AOC2: variants seen among roughly 807,000 people sequenced by gnomAD.
AOC2 encodes the protein amine oxidase copper containing 2, also known as amine oxidase [copper-containing] 2.
Under a neutral mutation model 53.8 loss-of-function variants are expected in AOC2, and 57 were observed. That is an observed-to-expected ratio of 1.06 (90% CI 0.86 to 1.32). The LOEUF (loss-of-function observed/expected upper bound fraction) is 1.32. AOC2 is among the 40% of genes most tolerant of loss of function. The pLI is 0.00. For missense variants in AOC2, 1,008 were observed against 957.2 expected, an observed-to-expected ratio of 1.05 and a Z score of -0.70; for synonymous variants, 404 against 399.0, an observed-to-expected ratio of 1.01 and a Z score of -0.15.
At chr17:42,849,782 G>C (rs2055634577) in intron 3 of AOC2, 52 bp downstream of exon 3, 1 of 1,611,028 alleles carries the variant, frequency 6.2e-7, no homozygotes, top group African/African-American at 1.3e-5. Flanking sequence ...ATGGCATCTT[G>C]GCTGCCCAGC....
chr17:42,849,874 GTCA>G, intron 3 of AOC2, 144 bp downstream of exon 3: 2 of 1,323,272 alleles, frequency 1.5e-6, no homozygotes, highest in East Asian at 4.7e-5. Context: ...ACCAACACAG[GTCA>G]TCCCTCCTGG....
Position 42,850,096 on chromosome 17 carries a change from G to A in AOC2, c.2019G>A (p.Trp673Ter). ...TCTTCTTGCAGGATCTGGTGGCTTG[G>A]GTCACAGCCAGCTTCCTGCACATTC... is the stretch of plus-strand genomic sequence containing the variant. Reference protein sequence around the residue: ...ETLLGEDLVAWVTASFLHIPH... With the variant: ...ETLLGEDLVA The change falls in exon 4 of 4, where the codon TGG becomes TGA. Residue 673 changes from tryptophan to a stop codon, truncating the protein, a stop_gained. Transcript: ENST00000253799. LOFTEE classifies it high-confidence loss of function. 6.2e-7 allele frequency: 1 copy of A among 1,613,802 alleles called. No individual in the cohort carries two copies. Among genetic ancestry groups the A allele is most frequent in the Non-Finnish European group, 8.5e-7 (1 of 1,179,772 alleles).
In AOC2 at chr17:42,845,823, CT is replaced by C. The variant is rs762316415; in HGVS notation, c.1198del (p.Tyr400IlefsTer11). On this transcript the variant is annotated frameshift_variant, in exon 1 of 4. Transcript: ENST00000253799. LOFTEE classifies it high-confidence loss of function. The stretch of plus-strand genomic sequence containing the variant: ...GCTTGGTGCGGGGAGTGGACTGCCC[CT>C]ATCAAGCCACGATGGTGGACATCCA... ...RGLVRGVDCP[Y>X]QATMVDIHIL... 1.9e-6 allele frequency: 3 copies of C among 1,614,054 alleles called. No homozygotes were observed. Among genetic ancestry groups the C allele is most frequent in the Non-Finnish European group, 1.7e-6 (2 of 1,180,048 alleles).
rs776570741 is a variant in AOC2 at position 42,845,396 on chromosome 17, A to C, written c.770A>C (p.Gln257Pro). 1 of 1,614,202 alleles carries C rather than the reference A, an allele frequency of 6.2e-7. No homozygotes were observed. Among genetic ancestry groups the C allele is most frequent in the African/African-American group, 1.3e-5 (1 of 75,054 alleles). The change falls in exon 1 of 4, where the codon CAG becomes CCG. Residue 257 changes from glutamine to proline, a missense_variant. By Grantham distance (76) the Gln-to-Pro change is moderately conservative (BLOSUM62 -1). Transcript: ENST00000253799. ...GACCCTGCCCACTGGACTGTCCAGC[A>C]GGTCTTCTACCTTGGGCACTACTAT... ...ALDPAHWTVQ[Q>P]VFYLGHYYAD...
intron 1 of AOC2, among the ~76,000 whole-genome samples, chr17:42,848,371 A>G (rs2055614495): frequency 6.6e-6 from 1 of 151,466 alleles, no homozygotes; most frequent in Non-Finnish European, 1.5e-5. Flanking sequence ...CAGAGAAGCA[A>G]ATTGGTCCAG....
At chr17:42,848,524 AATAT>A (rs71228780) in intron 1 of AOC2, among the ~76,000 whole-genome samples, 11 of 131,254 alleles carry the variant, frequency 8.4e-5, no homozygotes, top group African/African-American at 3.6e-4. Flanking sequence ...AGAGGAACTG[AATAT>A]ATATATATAT....
Position 42,849,657 on chromosome 17 carries a change from A to G in AOC2, c.1931A>G (p.Tyr644Cys), listed in dbSNP as rs761868451. 2.5e-5 allele frequency: 40 copies of G among 1,614,096 alleles called. No individual in the cohort carries two copies. In the Middle Eastern group the frequency reaches 4.9e-4, roughly 20 times the overall value. ...GAGGAGTCACAGAGCAGTAGCATCT[A>G]TCACCAGAATGACATCTGGACACCC... ...KEEESQSSSIYHQNDIWTPTV... is the reference protein window; with the variant it reads ...KEEESQSSSICHQNDIWTPTV... The change falls in exon 3 of 4, where the codon TAT (tyrosine) becomes TGT (cysteine). Residue 644 changes from tyrosine to cysteine, a missense_variant. Tyr to Cys is a radical substitution (Grantham distance 194). Transcript: ENST00000253799.
In AOC2 at chr17:42,845,970, T is replaced by C; in HGVS notation, c.1344T>C (p.Gly448=). 6.2e-7 allele frequency: 1 copy of C among 1,614,182 alleles called. No individual in the cohort carries two copies. Among genetic ancestry groups the C allele is most frequent in the Non-Finnish European group, 8.5e-7 (1 of 1,180,032 alleles). The change falls in exon 1 of 4, where the codon GGT becomes GGC. Residue 448 remains glycine, a synonymous_variant. Coordinates refer to ENST00000253799, the MANE Select transcript of AOC2 (RefSeq NM_009590.4). ...HNYLQNHFYG[G]LASSALVVRS... is the part of the protein sequence containing the mutation. ...ACCTTCAAAATCATTTCTATGGTGGTTTGGCCAGCTCAGCCCTTGTGGTCA... is the reference window on the plus strand; with the variant it reads ...ACCTTCAAAATCATTTCTATGGTGGCTTGGCCAGCTCAGCCCTTGTGGTCA...
In AOC2 at chr17:42,845,713, GTATC is replaced by G. The variant is rs763882564; in HGVS notation, c.1095_1098del (p.Ile365MetfsTer10). The stretch of plus-strand genomic sequence containing the variant: ...CTATGAAGTCAGTGTCCAGGAGTGT[GTATC>G]TATCTATGGTGCCGATTCACCCAAG... On this transcript the variant is annotated frameshift_variant, in exon 1 of 4. Coordinates refer to ENST00000253799, the MANE Select transcript of AOC2 (RefSeq NM_009590.4). LOFTEE classifies it high-confidence loss of function. 9.9e-6 allele frequency: 16 copies of G among 1,614,078 alleles called. No individual in the cohort carries two copies. The highest frequency in any genetic ancestry group is 5.3e-5 in the African/African-American group (4 of 74,916).
At position 42,845,166 on chromosome 17, in the gene AOC2, A is replaced by G. The variant is rs541991906; in HGVS notation, c.540A>G (p.Lys180=). ...TTACACAGATGTGGAGGCATCTGAA[A>G]GAGGTGGAGCTACCCAAGGCACCCA... The part of the protein sequence containing the change: ...AEFTQMWRHL[K]EVELPKAPIF... Residue 180 remains lysine (K), a synonymous_variant, in exon 1 of 4, where the codon AAA becomes AAG. Transcript: ENST00000253799. 3.7e-6 allele frequency: 6 copies of G among 1,613,822 alleles called. No homozygotes were observed. Among genetic ancestry groups the G allele is most frequent in the Non-Finnish European group, 5.1e-6 (6 of 1,180,038 alleles).
At position 42,849,349 on chromosome 17, in the gene AOC2, G is replaced by T. The variant is rs376363171; in HGVS notation, c.1852G>T (p.Glu618Ter). 3.1e-6 allele frequency: 5 copies of T among 1,612,822 alleles called. No homozygotes were observed. Among genetic ancestry groups the T allele is most frequent in the Non-Finnish European group, 4.2e-6 (5 of 1,178,936 alleles). ...ACACATACCCCTGGAGAGTGACATG[G>T]AGAGGGCCCTCAGCTGGGGGAGGTG... is the stretch of plus-strand genomic sequence containing the variant. The part of the protein sequence containing the change: ...GIHIPLESDM[E>*]RALSWGRYQL... Residue 618 changes from glutamate to a stop codon, truncating the protein, a stop_gained, in exon 2 of 4, where the codon GAG (glutamate) becomes TAG (stop). Transcript: ENST00000253799. LOFTEE classifies it high-confidence loss of function.
At chr17:42,847,155 A>G (rs1157216226) in intron 1 of AOC2, among the ~76,000 whole-genome samples, 3 of 152,250 alleles carry the variant, frequency 2.0e-5, no homozygotes, top group Non-Finnish European at 2.9e-5. Flanking sequence ...CATGATTGAA[A>G]TGATCATATT....
Position 42,845,674 on chromosome 17 carries a change from G to C in AOC2, c.1048G>C (p.Gly350Arg), listed in dbSNP as rs1306758277. ...GLRIFDVRFQGERIAYEVSVQ... is the reference protein window; with the variant it reads ...GLRIFDVRFQRERIAYEVSVQ... Reference sequence around the variant, plus strand: ...GAGGATTTTTGATGTTCGGTTCCAGGGTGAGCGAATAGCCTATGAAGTCAG... The same window carrying C: ...GAGGATTTTTGATGTTCGGTTCCAGCGTGAGCGAATAGCCTATGAAGTCAG... The change falls in exon 1 of 4, where the codon GGT becomes CGT. Residue 350 changes from glycine (G) to arginine (R), a missense_variant. Coordinates refer to ENST00000253799, the MANE Select transcript of AOC2 (RefSeq NM_009590.4). 1 of 1,614,174 alleles carries C rather than the reference G, an allele frequency of 6.2e-7. No individual in the cohort carries two copies. Among genetic ancestry groups the C allele is most frequent in the East Asian group, 2.2e-5 (1 of 44,888 alleles).
In AOC2 at chr17:42,845,773, T is replaced by C. The variant is rs760307886; in HGVS notation, c.1147T>C (p.Phe383Leu). ...GCTGACTCGCTATTTGGATAGCAGC[T>C]TTGGACTCGGCCGTAACAGCCGAGG... Reference protein sequence around the residue: ...TMLTRYLDSSFGLGRNSRGLV... With the variant: ...TMLTRYLDSSLGLGRNSRGLV... Residue 383 changes from phenylalanine (F) to leucine (L), a missense_variant, in exon 1 of 4, where the codon TTT (phenylalanine) becomes CTT (leucine). Transcript: ENST00000253799. 21 of 1,614,172 alleles carry C rather than the reference T, an allele frequency of 1.3e-5. No individual in the cohort carries two copies. The African/African-American group carries it at 2.1e-4, about 16-fold the overall frequency.
At position 42,846,069 on chromosome 17, in the gene AOC2, G is replaced by A. The variant is rs1187114943; in HGVS notation, c.1443G>A (p.Gly481=). The A allele has an allele frequency of 2.5e-6, 4 of 1,607,652 alleles. No homozygotes were observed. The highest frequency in any genetic ancestry group is 1.1e-5 in the South Asian group (1 of 90,696). Residue 481 remains glycine, a synonymous_variant, in exon 1 of 4, where the codon GGG becomes GGA. Transcript: ENST00000253799. ...TGTACCCAAATGGGGCACTTGAAGGGCGGGTCCATGCCACGGGTTATATCA... is the reference window on the plus strand; with the variant it reads ...TGTACCCAAATGGGGCACTTGAAGGACGGGTCCATGCCACGGGTTATATCA... The part of the protein sequence containing the change: ...FVLYPNGALE[G]RVHATGYINT...
rs146942050 is a variant in AOC2, at chr17:42,844,711, G to A, written c.85G>A (p.Gly29Ser). 9.9e-4 allele frequency: 1,592 copies of A among 1,614,210 alleles called. 26 individuals carry two copies. The South Asian group carries it at 0.014, about 14-fold the overall frequency. ...GGCCTATGTTTTGCTGACCAGCCCA[G>A]GTGGTTCCAGCCAGCCTCCCCACTG... is the stretch of plus-strand genomic sequence containing the variant. The part of the protein sequence containing the change: ...ALAYVLLTSP[G>S]GSSQPPHCPS... The change falls in exon 1 of 4, where the codon GGT (glycine) becomes AGT (serine). Residue 29 changes from glycine (G) to serine (S), a missense_variant. Physicochemically the swap from Gly to Ser is moderately conservative, Grantham distance 56. Coordinates refer to ENST00000253799, the MANE Select transcript of AOC2 (RefSeq NM_009590.4).
Position 42,844,740 on chromosome 17 carries a change from CT to C in AOC2, c.115del (p.Ser39LeufsTer21), listed in dbSNP as rs1567684305. 9 of 1,614,252 alleles carry C rather than the reference CT, an allele frequency of 5.6e-6. No individual in the cohort carries two copies. Among genetic ancestry groups the C allele is most frequent in the Non-Finnish European group, 5.1e-6 (6 of 1,180,044 alleles). On this transcript the variant is annotated frameshift_variant, in exon 1 of 4. Transcript: ENST00000253799. LOFTEE classifies it high-confidence loss of function. ...GTTCCAGCCAGCCTCCCCACTGCCC[CT>C]CTGTATCCCATAGGGCCCAGCCCTG... is the stretch of plus-strand genomic sequence containing the variant. ...GGSSQPPHCP[S>X]VSHRAQPWPH...
At chr17:42,848,091 T>TTTTTTA (rs1555552776) in intron 1 of AOC2, among the ~76,000 whole-genome samples, 2 of 141,302 alleles carry the variant, frequency 1.4e-5, no homozygotes, top group Admixed American at 7.0e-5. Flanking sequence ...TTTTTTTTTT[T>TTTTTTA]AAGAGGCAGT....
At chr17:42,846,936 C>G (rs562738944) in intron 1 of AOC2, among the ~76,000 whole-genome samples, 1 of 152,344 alleles carries the variant, frequency 6.6e-6, no homozygotes, top group African/African-American at 2.4e-5. Context: ...TCACCAGACC[C>G]TCTCCATTTT....
Sources: gnomAD v4.1 joint callset for allele counts (sites outside exome capture counted in the v4.1 genomes callset) on GRCh38, gnomAD v4.1.1 for gene constraint, MANE v1.5 for transcripts, NCBI Gene and HGNC (gene_info 2026-07-23, HGNC 2026-07-21) for gene names.